Variants in ATL2 observed in about 807,000 individuals in gnomAD.
The protein encoded by ATL2 is atlastin GTPase 2.
Under a neutral mutation model 73.9 loss-of-function variants are expected in ATL2, and 31 were observed. The observed-to-expected ratio is 0.42, with a 90% CI of 0.32 to 0.57. The LOEUF (loss-of-function observed/expected upper bound fraction) is 0.57, where lower values mean the gene tolerates loss of function less well. Among genes scored for constraint, ATL2 ranks in the 20% least tolerant of loss-of-function variants. The pLI is 0.14. For synonymous variants in ATL2, 291 were observed against 237.5 expected (o/e 1.23, Z -2.07); for missense variants, 738 against 702.6 (o/e 1.05, Z -0.57).
chr2:38,365,169 ACACAC>A (rs1368127208), intron 1 of ATL2, among the ~76,000 whole-genome samples: 1 of 115,808 alleles, frequency 8.6e-6, no homozygotes, highest in African/African-American at 4.2e-5. Context: ...ACACACAAAT[ACACAC>A]ACACACACAC....
chr2:38,311,577 T>C (rs1287288755), intron 7 of ATL2, among the ~76,000 whole-genome samples: 2 of 152,064 alleles, frequency 1.3e-5, no homozygotes, highest in African/African-American at 2.4e-5. Flanking sequence ...AGAAACATAA[T>C]ATTGGGTAAA....
chr2:38,335,899 G>A (rs1558424315), intron 2 of ATL2, among the ~76,000 whole-genome samples: 1 of 152,108 alleles, frequency 6.6e-6, no homozygotes. Context: ...AACTAGCAGG[G>A]CATGGTGGCG....
chr2:38,353,793 G>A (rs892352264), intron 1 of ATL2, among the ~76,000 whole-genome samples: 9 of 152,230 alleles, frequency 5.9e-5, no homozygotes, highest in African/African-American at 1.7e-4. Flanking sequence ...GAGGCCAGAA[G>A]ACAAGGGATT....
intron 1 of ATL2, among the ~76,000 whole-genome samples, chr2:38,358,026 T>C (rs898027181): frequency 3.3e-5 from 5 of 152,194 alleles, no homozygotes; most frequent in African/African-American, 4.8e-5. Context: ...CCTGAGTATC[T>C]TGTTAAAATG....
intron 1 of ATL2, chr2:38,358,456 A>C (rs1670803810): frequency 5.8e-6 from 1 of 173,398 alleles, no homozygotes; most frequent in Non-Finnish European, 1.3e-5. Context: ...TAATCCCAGC[A>C]CTTTGGGAGG....
intron 1 of ATL2, among the ~76,000 whole-genome samples, chr2:38,370,046 C>T (rs576283696): frequency 2.7e-5 from 4 of 145,796 alleles, no homozygotes. Flanking sequence ...CCCAGGTACT[C>T]GGGAGGCTCA....
At chr2:38,339,522 G>A (rs1247177342) in intron 2 of ATL2, among the ~76,000 whole-genome samples, 2 of 151,924 alleles carry the variant, frequency 1.3e-5, no homozygotes, top group Non-Finnish European at 2.9e-5. Flanking sequence ...TATAAAAAAT[G>A]TGTTTGAAAA....
intron 4 of ATL2, among the ~76,000 whole-genome samples, chr2:38,316,167 G>A (rs1452601843): frequency 1.3e-5 from 2 of 152,188 alleles, no homozygotes; most frequent in African/African-American, 2.4e-5. Context: ...GCAAATAAGT[G>A]ATACTCTGGC....
chr2:38,303,762 G>T (rs929754593), intron 9 of ATL2, among the ~76,000 whole-genome samples: 6 of 152,052 alleles, frequency 3.9e-5, no homozygotes, highest in African/African-American at 7.2e-5. Context: ...AAAGATTATA[G>T]AACACCAAGC....
At chr2:38,308,940 GAA>G (rs74338166) in intron 9 of ATL2, among the ~76,000 whole-genome samples, 1 of 141,012 alleles carries the variant, frequency 7.1e-6, no homozygotes, top group African/African-American at 2.6e-5. Flanking sequence ...AGAACAGAGG[GAA>G]AAAAAAAAAA....
intron 1 of ATL2, among the ~76,000 whole-genome samples, chr2:38,373,260 A>G (rs1043128224): frequency 6.6e-6 from 1 of 152,228 alleles, no homozygotes; most frequent in Non-Finnish European, 1.5e-5. Context: ...TAAAAGATAA[A>G]ATGTTACTAG....
At chr2:38,370,227 G>A (rs1311636246) in intron 1 of ATL2, among the ~76,000 whole-genome samples, 1 of 149,804 alleles carries the variant, frequency 6.7e-6, no homozygotes, top group Non-Finnish European at 1.5e-5. Context: ...CACTTTGGGG[G>A]CCGAGGTGGG....
intron 2 of ATL2, among the ~76,000 whole-genome samples, chr2:38,330,659 C>T (rs1301384015): frequency 2.0e-5 from 3 of 152,074 alleles, no homozygotes; most frequent in Non-Finnish European, 4.4e-5. Context: ...TTCATAGTAA[C>T]ATCAACAAAA....
chr2:38,312,693 T>C (rs1667822832), intron 7 of ATL2, among the ~76,000 whole-genome samples: 2 of 142,134 alleles, frequency 1.4e-5, no homozygotes, highest in African/African-American at 5.4e-5. Flanking sequence ...CAGGCAATAG[T>C]GTGAGACTGT....
intron 4 of ATL2, among the ~76,000 whole-genome samples, chr2:38,316,857 C>G (rs955792013): frequency 1.3e-5 from 2 of 152,122 alleles, no homozygotes; most frequent in African/African-American, 4.8e-5. Context: ...AGAACTCCCT[C>G]TAGAGCCAGC....
chr2:38,359,711 G>A (rs187876850), intron 1 of ATL2: 8 of 151,918 alleles, frequency 5.3e-5, no homozygotes, highest in South Asian at 2.1e-4. Context: ...TAAAATAGAC[G>A]AAGAAAAATG....
At chr2:38,337,946 C>G in intron 2 of ATL2, among the ~76,000 whole-genome samples, 1 of 152,100 alleles carries the variant, frequency 6.6e-6, no homozygotes, top group Non-Finnish European at 1.5e-5. Flanking sequence ...ATCGTAAGCA[C>G]TGTGTTTAGT....
intron 1 of ATL2, among the ~76,000 whole-genome samples, chr2:38,376,881 C>A (rs983506094): frequency 2.7e-5 from 4 of 150,276 alleles, no homozygotes; most frequent in Non-Finnish European, 4.5e-5. Flanking sequence ...GGGCAGGGGG[C>A]CGGGCCGGTC....
At chr2:38,353,816 G>C (rs1188269093) in intron 1 of ATL2, among the ~76,000 whole-genome samples, 8 of 152,232 alleles carry the variant, frequency 5.3e-5, no homozygotes, top group Non-Finnish European at 1.2e-4. Flanking sequence ...TAGCTTTAGA[G>C]TGTTTTTAAA....
Sources: allele counts gnomAD v4.1 joint callset (sites outside exome capture counted in the v4.1 genomes callset), GRCh38; gene constraint gnomAD v4.1.1; transcripts MANE v1.5; gene names NCBI Gene and HGNC (gene_info 2026-07-23, HGNC 2026-07-21).